RBFOX1: variants seen among roughly 807,000 people sequenced by gnomAD.
The protein encoded by RBFOX1 is RNA binding fox-1 homolog 1.
RBFOX1 carries 8 observed loss-of-function variants against 57.7 expected under a neutral mutation model. That is an observed-to-expected ratio of 0.14 (90% confidence interval 0.08 to 0.25). The LOEUF (loss-of-function observed/expected upper bound fraction) is 0.25, where lower values mean the gene tolerates loss of function less well. RBFOX1 is among the 10% of genes least tolerant of loss of function. RBFOX1 has a pLI of 1.00. For synonymous variants in RBFOX1, 326 were observed against 222.4 expected, an observed-to-expected ratio of 1.47 and a Z score of -4.15; for missense variants, 611 against 548.5, an observed-to-expected ratio of 1.11 and a Z score of -1.14.
chr16:6,483,507 C>T, intron 2 of RBFOX1: 1 of 1,535,690 alleles, frequency 6.5e-7, no homozygotes, highest in Non-Finnish European at 8.7e-7. Flanking sequence ...ACAATGAAAT[C>T]TTGGCAGCTA....
At chr16:5,945,328 G>C (rs1191685450) in intron 4 of RBFOX1, among the ~76,000 whole-genome samples, 1 of 152,208 alleles carries the variant, frequency 6.6e-6, no homozygotes, top group Non-Finnish European at 1.5e-5. Context: ...TGAGGAACAA[G>C]GGGTGAGTTA....
chr16:7,006,148 A>T (rs535523624), intron 3 of RBFOX1, among the ~76,000 whole-genome samples: 2 of 151,774 alleles, frequency 1.3e-5, no homozygotes, highest in African/African-American at 4.8e-5. Context: ...CATTAAATTT[A>T]TTTATTTATT....
chr16:7,568,235 C>G (rs377002727), intron 5 of RBFOX1, among the ~76,000 whole-genome samples: 1 of 152,032 alleles, frequency 6.6e-6, no homozygotes, highest in Admixed American at 6.6e-5. Context: ...CTGCTGGTTG[C>G]CTGTTTTTAT....
At chr16:7,469,771 A>G (rs2061223199) in intron 4 of RBFOX1, among the ~76,000 whole-genome samples, 2 of 152,182 alleles carry the variant, frequency 1.3e-5, no homozygotes, top group Admixed American at 1.3e-4. Flanking sequence ...TGCAATTACT[A>G]CCATTGATCT....
In RBFOX1 at chr16:6,751,791, A is replaced by T. The variant is rs72766710; in HGVS notation, c.-16+97141A>T. ...GTGGTCTTATGAAGAATGTGTGATTATCGTAACCCACTTGCTATTATTTTC... is the reference window on the plus strand; with the variant it reads ...GTGGTCTTATGAAGAATGTGTGATTTTCGTAACCCACTTGCTATTATTTTC... On this transcript the variant is annotated intron_variant, in intron 3 of 15. Transcript: ENST00000550418. 4.0e-3 allele frequency among the ~76,000 whole-genome samples: 613 copies of T among 152,268 alleles called. 2 individuals are homozygous for T. The highest frequency in any genetic ancestry group is 0.01 in the Middle Eastern group (3 of 294).
chr16:6,211,854 T>G (rs1030657956), intron 1 of RBFOX1, among the ~76,000 whole-genome samples: 4 of 151,360 alleles, frequency 2.6e-5, no homozygotes, highest in African/African-American at 9.7e-5. Flanking sequence ...ATTTATTTAT[T>G]TATTTATTTA....
intron 1 of RBFOX1, among the ~76,000 whole-genome samples, chr16:6,313,880 T>G (rs2152769124): frequency 6.6e-6 from 1 of 152,052 alleles, no homozygotes; most frequent in African/African-American, 2.4e-5. Flanking sequence ...CATATTAGGG[T>G]TTTCTTGCTG....
At chr16:6,001,680 A>G (rs544516575) in intron 4 of RBFOX1, among the ~76,000 whole-genome samples, 13 of 152,226 alleles carry the variant, frequency 8.5e-5, no homozygotes, top group Admixed American at 6.5e-4. Flanking sequence ...TAGGATGTTA[A>G]TGTTTTCATT....
intron 4 of RBFOX1, among the ~76,000 whole-genome samples, chr16:7,284,818 G>A (rs2095616970): frequency 6.6e-6 from 1 of 152,212 alleles, no homozygotes; most frequent in African/African-American, 2.4e-5. Flanking sequence ...CTGGCTGAGT[G>A]TTAGAGCTTT....
chr16:5,727,362 T>C (rs1304195151), intron 3 of RBFOX1, among the ~76,000 whole-genome samples: 1 of 152,224 alleles, frequency 6.6e-6, no homozygotes, highest in Non-Finnish European at 1.5e-5. Flanking sequence ...GAGCATTTAA[T>C]GACTGACAAA....
chr16:6,679,878 GTT>G (rs71145274), intron 3 of RBFOX1, among the ~76,000 whole-genome samples: 1,413 of 114,084 alleles, frequency 0.012, 12 homozygotes, highest in African/African-American at 0.031. Flanking sequence ...GTTTCTACTT[GTT>G]TTTTTTTTTT....
intron 1 of RBFOX1, among the ~76,000 whole-genome samples, chr16:6,221,263 G>A (rs1037674985): frequency 1.3e-5 from 2 of 152,052 alleles, no homozygotes; most frequent in Non-Finnish European, 2.9e-5. Context: ...CACCAGCCTT[G>A]GGTTTTATAA....
intron 2 of RBFOX1, among the ~76,000 whole-genome samples, chr16:5,510,742 C>T (rs1217849706): frequency 6.6e-6 from 1 of 152,148 alleles, no homozygotes; most frequent in Non-Finnish European, 1.5e-5. Context: ...GTATCAGCCT[C>T]AGAACTATTG....
At chr16:6,053,273 G>T (rs1249664145) in intron 1 of RBFOX1, among the ~76,000 whole-genome samples, 1 of 152,180 alleles carries the variant, frequency 6.6e-6, no homozygotes, top group African/African-American at 2.4e-5. Flanking sequence ...AATATTGTCT[G>T]GTACCAAAGG....
chr16:6,917,106 C>G (rs568613394), intron 3 of RBFOX1, among the ~76,000 whole-genome samples: 22 of 152,336 alleles, frequency 1.4e-4, no homozygotes, highest in African/African-American at 5.3e-4. Flanking sequence ...CTGCCTTGGC[C>G]TCCCAGAGTG....
At chr16:5,746,723 T>A (rs1397468939) in intron 3 of RBFOX1, among the ~76,000 whole-genome samples, 6 of 152,252 alleles carry the variant, frequency 3.9e-5, no homozygotes, top group Admixed American at 3.9e-4. Flanking sequence ...AGTTCACTCA[T>A]GATTTGGCTC....
At chr16:6,481,005 A>T (rs1021554627) in intron 2 of RBFOX1, among the ~76,000 whole-genome samples, 1 of 152,186 alleles carries the variant, frequency 6.6e-6, no homozygotes, top group African/African-American at 2.4e-5. Flanking sequence ...ATCCAAACAT[A>T]TCCACAAATG....
At chr16:5,285,549 C>T (rs1330917764) in intron 1 of RBFOX1, among the ~76,000 whole-genome samples, 1 of 152,154 alleles carries the variant, frequency 6.6e-6, no homozygotes, top group Non-Finnish European at 1.5e-5. Context: ...CCTTATGTGA[C>T]TATCTGTGCC....
chr16:5,607,823 C>G (rs1262774766), intron 3 of RBFOX1, among the ~76,000 whole-genome samples: 1 of 152,188 alleles, frequency 6.6e-6, no homozygotes, highest in Non-Finnish European at 1.5e-5. Flanking sequence ...CCCTCAAAAG[C>G]ATCCCTAGGA....
Sources: allele counts gnomAD v4.1 joint callset (sites outside exome capture counted in the v4.1 genomes callset), GRCh38; gene constraint gnomAD v4.1.1; transcripts MANE v1.5; gene names NCBI Gene and HGNC (gene_info 2026-07-23, HGNC 2026-07-21).